The following CYSTM1 variants were observed in gnomAD, a reference collection of about 807,000 sequenced individuals.
The protein encoded by CYSTM1 is cysteine-rich transmembrane module-containing protein 1.
CYSTM1 carries 4 observed loss-of-function variants against 13.1 expected under a neutral mutation model. The observed-to-expected ratio is 0.31, with a 90% CI of 0.15 to 0.70. The LOEUF (loss-of-function observed/expected upper bound fraction) is 0.70. Among genes scored for constraint, CYSTM1 ranks in the 30% least tolerant of loss-of-function variants. The pLI is 0.72. For synonymous variants in CYSTM1, 36 were observed against 42.7 expected (o/e 0.84, Z 0.62); for missense variants, 96 against 121.6 (o/e 0.79, Z 0.99).
chr5:140,243,758 T>C lies in CYSTM1; in HGVS notation c.*347T>C. 1 of 199,946 alleles carries C rather than the reference T, an allele frequency of 5.0e-6. No homozygotes were observed. Among genetic ancestry groups the C allele is most frequent in the Non-Finnish European group, 1.0e-5 (1 of 97,808 alleles). 12.4% of individuals were successfully genotyped at this position (199,946 alleles called of 1,614,324 possible). A position where few individuals can be genotyped will look rare whatever the true frequency, so the allele number is the denominator to read the frequency against. The stretch of plus-strand genomic sequence containing the variant: ...AATGATTTCTCTGCTAACAGCCGCC[T>C]GTATGTTTCAATAAATTTGTCCAAA... On this transcript the variant is annotated 3_prime_UTR_variant, in exon 3 of 3. Coordinates refer to ENST00000261811, the MANE Select transcript of CYSTM1 (RefSeq NM_032412.4).
At chr5:140,233,176 A>G (rs1764636885) in intron 2 of CYSTM1, among the ~76,000 whole-genome samples, 1 of 152,174 alleles carries the variant, frequency 6.6e-6, no homozygotes, top group Admixed American at 6.5e-5. Context: ...GGGCCTGAGG[A>G]ATACATTTGA....
At chr5:140,233,413 G>A (rs551367752) in intron 2 of CYSTM1, among the ~76,000 whole-genome samples, 1 of 152,286 alleles carries the variant, frequency 6.6e-6, no homozygotes, top group South Asian at 2.1e-4. Context: ...GACCATTTGG[G>A]TTGTTTCTAC....
intron 1 of CYSTM1, among the ~76,000 whole-genome samples, chr5:140,179,836 A>AT (rs1561807282): frequency 6.6e-6 from 1 of 151,164 alleles, no homozygotes; most frequent in Non-Finnish European, 1.5e-5. Context: ...AATTTTTTGT[A>AT]TTTTTTAGTA....
intron 2 of CYSTM1, among the ~76,000 whole-genome samples, chr5:140,218,865 C>T (rs146169427): frequency 3.4e-4 from 52 of 152,270 alleles, no homozygotes; most frequent in African/African-American, 1.2e-3. Flanking sequence ...TGAACTCTAC[C>T]GGATGGGGTG....
chr5:140,179,452 C>T (rs1277468083), intron 1 of CYSTM1, among the ~76,000 whole-genome samples: 3 of 151,044 alleles, frequency 2.0e-5, no homozygotes, highest in East Asian at 4.0e-4. Flanking sequence ...CCAGCTAAGT[C>T]GGGAGGCTGA....
In CYSTM1 at chr5:140,194,477, G is replaced by A. The variant is rs754020811; in HGVS notation, c.12G>A (p.Glu4=). 1.1e-4 allele frequency: 173 copies of A among 1,587,978 alleles called. No individual in the cohort carries two copies. The highest frequency in any genetic ancestry group is 1.4e-4 in the Non-Finnish European group (163 of 1,172,616). The stretch of plus-strand genomic sequence containing the variant: ...TTTACAGGTCCCCGATGAACCAAGA[G>A]AACCCTCCACCATATCCAGGCCCTG... MNQ[E]NPPPYPGPGP... Residue 4 remains glutamate (E), a synonymous_variant, in exon 2 of 3, where the codon GAG becomes GAA. Transcript: ENST00000261811.
chr5:140,231,392 G>C (rs914728461), intron 2 of CYSTM1, among the ~76,000 whole-genome samples: 1 of 152,174 alleles, frequency 6.6e-6, no homozygotes, highest in Non-Finnish European at 1.5e-5. Flanking sequence ...TCCTATGCAT[G>C]CTCCAGGGAA....
At chr5:140,229,658 G>A (rs922992012) in intron 2 of CYSTM1, among the ~76,000 whole-genome samples, 6 of 41,266 alleles carry the variant, frequency 1.5e-4, no homozygotes, top group Admixed American at 7.9e-4. Context: ...AGATATAGTC[G>A]TTAGTCCACC....
At chr5:140,229,906 T>C (rs1327367310) in intron 2 of CYSTM1, among the ~76,000 whole-genome samples, 2 of 152,284 alleles carry the variant, frequency 1.3e-5, no homozygotes, top group East Asian at 1.9e-4. Flanking sequence ...GGTATTGCTC[T>C]GTCACCCAAG....
chr5:140,204,793 A>G (rs1031642136), intron 2 of CYSTM1, among the ~76,000 whole-genome samples: 2 of 151,776 alleles, frequency 1.3e-5, no homozygotes, highest in African/African-American at 4.8e-5. Context: ...GTGTATGTGT[A>G]TGTGTATATG....
intron 1 of CYSTM1, among the ~76,000 whole-genome samples, chr5:140,177,443 A>G (rs1763904027): frequency 6.6e-6 from 1 of 152,154 alleles, no homozygotes; most frequent in Non-Finnish European, 1.5e-5. Flanking sequence ...TCTGGGAGGT[A>G]GTGAAATTAT....
intron 1 of CYSTM1, among the ~76,000 whole-genome samples, chr5:140,188,774 G>C (rs1440680238): frequency 5.0e-5 from 4 of 80,216 alleles, no homozygotes; most frequent in African/African-American, 2.1e-4. Context: ...GCGAGACTCC[G>C]TCTCAAAAAA....
chr5:140,200,404 C>T (rs1764211521), intron 2 of CYSTM1: 1 of 152,040 alleles, frequency 6.6e-6, no homozygotes, highest in South Asian at 2.1e-4. Flanking sequence ...TTGTTTTCGT[C>T]AGGTTTGTCA....
chr5:140,193,214 C>A (rs1439559387), intron 1 of CYSTM1, among the ~76,000 whole-genome samples: 1 of 152,212 alleles, frequency 6.6e-6, no homozygotes, highest in Non-Finnish European at 1.5e-5. Flanking sequence ...AGCAGTATGA[C>A]AGATGATATG....
chr5:140,193,683 A>G (rs1764119112), intron 1 of CYSTM1, among the ~76,000 whole-genome samples: 1 of 152,234 alleles, frequency 6.6e-6, no homozygotes, highest in Non-Finnish European at 1.5e-5. Context: ...AATCAAGAGA[A>G]TGATTAACAG....
Position 140,219,010 on chromosome 5 carries a change from C to T in CYSTM1, c.188-24295C>T, listed in dbSNP as rs1164145652. On this transcript the variant is annotated intron_variant, in intron 2 of 2. Coordinates refer to ENST00000261811, the MANE Select transcript of CYSTM1 (RefSeq NM_032412.4). The surrounding 1 kb of genome is among the most constrained non-coding windows in gnomAD (Gnocchi z 4.1). ...AAGAGGCTGGTCATGATTGTGGAGACTTTTTAAATCTGGCTTCAGTGACAA... is the reference window on the plus strand; with the variant it reads ...AAGAGGCTGGTCATGATTGTGGAGATTTTTTAAATCTGGCTTCAGTGACAA... 1.3e-5 allele frequency among the ~76,000 whole-genome samples: 2 copies of T among 152,146 alleles called. No homozygotes were observed. Among genetic ancestry groups the T allele is most frequent in the African/African-American group, 2.4e-5 (1 of 41,424 alleles).
intron 1 of CYSTM1, among the ~76,000 whole-genome samples, chr5:140,176,607 A>G (rs1047812298): frequency 1.3e-5 from 2 of 152,200 alleles, no homozygotes; most frequent in Non-Finnish European, 2.9e-5. Flanking sequence ...GAGGTTTCAG[A>G]GTGACTTACA....
At chr5:140,205,660 A>G (rs1206707933) in intron 2 of CYSTM1, among the ~76,000 whole-genome samples, 1 of 152,194 alleles carries the variant, frequency 6.6e-6, no homozygotes, top group Admixed American at 6.5e-5. Context: ...GATAAAGAAT[A>G]AATAAAGTAA....
chr5:140,183,686 T>G (rs922824391), intron 1 of CYSTM1, among the ~76,000 whole-genome samples: 1 of 152,174 alleles, frequency 6.6e-6, no homozygotes, highest in African/African-American at 2.4e-5. Flanking sequence ...AATGCCAGGA[T>G]CCATTAGACA....
Sources: allele counts gnomAD v4.1 joint callset (sites outside exome capture counted in the v4.1 genomes callset), GRCh38; gene constraint gnomAD v4.1.1; non-coding constraint Gnocchi (gnomAD v3.1); transcripts MANE v1.5; gene names NCBI Gene and HGNC (gene_info 2026-07-23, HGNC 2026-07-21).